RYR1: variants seen among roughly 807,000 people sequenced by gnomAD.
The protein encoded by RYR1 is ryanodine receptor 1.
Under a neutral mutation model 583.5 loss-of-function variants are expected in RYR1, and 342 were observed. The ratio of observed to expected loss-of-function variants is 0.59; its 90% CI spans 0.54 to 0.64. The LOEUF is 0.64. Among genes scored for constraint, RYR1 ranks in the 30% least tolerant of loss-of-function variants. The pLI is 0.00. For missense variants in RYR1, 6,032 were observed against 6,917.2 expected, an observed-to-expected ratio of 0.87 and a Z score of 4.54; for synonymous variants, 2,791 against 2,822.5, an observed-to-expected ratio of 0.99 and a Z score of 0.35.
Position 38,511,574 on chromosome 19 carries a change from C to G in RYR1, c.9136C>G (p.Leu3046Val). Residue 3046 changes from leucine (L) to valine (V), a missense_variant, in exon 61 of 106, where the codon CTT (leucine) becomes GTT (valine). This residue lies in a region of RYR1 where 1,493 missense variants were observed against 1,715.5 expected (regional missense o/e 0.87). Transcript: ENST00000359596. The stretch of plus-strand genomic sequence containing the variant: ...CTCTTTCTTCAGCCTCTTCTGCAAA[C>G]TTGCTGCTCTCGTCCGCCACCGAGT... ...KEMITSLFCK[L>V]AALVRHRVSL... The G allele has an allele frequency of 6.2e-7, 1 of 1,614,018 alleles. No individual in the cohort carries two copies. The highest frequency in any genetic ancestry group is 8.5e-7 in the Non-Finnish European group (1 of 1,180,040).
rs761665467 is a variant in RYR1 at position 38,459,150 on chromosome 19, C to T, written c.2172C>T (p.His724=). Residue 724 remains histidine (H), a synonymous_variant, in exon 19 of 106, where the codon CAC becomes CAT. Transcript: ENST00000359596. ...CATCTCTGGTGACTGATGCAGGACA[C>T]GTGGCACGCCCAGTGACTTCCCCAG... The part of the protein sequence containing the change: ...GFDGLHLWTG[H]VARPVTSPGQ... 18 of 1,613,114 alleles carry T rather than the reference C, an allele frequency of 1.1e-5. No homozygotes were observed. The highest frequency in any genetic ancestry group is 1.3e-5 in the Non-Finnish European group (15 of 1,179,942).
chr19:38,528,727 G>T, intron 75 of RYR1, 32 bp downstream of exon 75: 3 of 1,609,110 alleles, frequency 1.9e-6, no homozygotes, highest in South Asian at 2.2e-5. Context: ...GGAGTGGGGG[G>T]CGAGCTGGAT....
At chr19:38,467,473 C>A in intron 24 of RYR1, 137 bp from the exon 25 acceptor site, 1 of 955,204 alleles carries the variant, frequency 1.0e-6, no homozygotes, top group Non-Finnish European at 1.7e-6. Context: ...TCTCCTCTAA[C>A]TCCAAGAAAT....
At chr19:38,517,232 T>C (rs756552873) in intron 65 of RYR1, 127 bp from the exon 66 acceptor site, 1 of 961,308 alleles carries the variant, frequency 1.0e-6, no homozygotes, top group South Asian at 1.4e-5. Flanking sequence ...ATGGGAAGAA[T>C]AGGGTTTGGG....
In RYR1 at chr19:38,499,055, C is replaced by T; in HGVS notation, c.6892-53C>T. 1 of 1,607,790 alleles carries T rather than the reference C, an allele frequency of 6.2e-7. No homozygotes were observed. The highest frequency in any genetic ancestry group is 8.5e-7 in the Non-Finnish European group (1 of 1,176,478). On this transcript the variant is annotated intron_variant, in intron 42 of 105. Coordinates refer to ENST00000359596, the MANE Select transcript of RYR1 (RefSeq NM_000540.3). This position sits in a 1 kb window ranked among gnomAD's most constrained non-coding sequence, Gnocchi z 7.3. ...CAGGGCAGGGCAGAGGGCTGAGCCC[C>T]AGGAGGAAGGTGGCATGGGTCTGGT...
chr19:38,474,564 CTTTTTTTTT>C (rs970000046), intron 28 of RYR1, among the ~76,000 whole-genome samples: 10 of 88,224 alleles, frequency 1.1e-4, no homozygotes, highest in South Asian at 4.5e-4. Flanking sequence ...CGCCCGGCTC[CTTTTTTTTT>C]TTTTTTTTTT....
At position 38,467,626 on chromosome 19, in the gene RYR1, G is replaced by C. The variant is rs1441987462; in HGVS notation, c.3195G>C (p.Gln1065His). The change falls in exon 25 of 106, where the codon CAG becomes CAC. Residue 1065 changes from glutamine to histidine, a missense_variant. By Grantham distance (24) the Gln-to-His change is conservative (BLOSUM62 0). Around this residue, in one of 11 missense-constraint regions of RYR1, gnomAD observed 2,627 missense variants for 2,961.3 expected, o/e 0.89. Coordinates refer to ENST00000359596, the MANE Select transcript of RYR1 (RefSeq NM_000540.3). ...PDQEPSQVEN[Q>H]SRCDRVRIFR... ...CATTTATAGGTCAGGTGGAGAACCA[G>C]TCTCGTTGTGACCGGGTGCGCATCT... 6.2e-7 allele frequency: 1 copy of C among 1,614,098 alleles called. No individual in the cohort carries two copies. The highest frequency in any genetic ancestry group is 8.5e-7 in the Non-Finnish European group (1 of 1,180,050).
At position 38,444,033 on chromosome 19, in the gene RYR1, T is replaced by C; in HGVS notation, c.425-116T>C. The C allele has an allele frequency of 2.2e-6, 2 of 916,720 alleles. No homozygotes were observed. Among genetic ancestry groups the C allele is most frequent in the Non-Finnish European group, 1.8e-6 (1 of 559,520 alleles). The allele number at this position is 916,720 out of a possible 1,614,324, so 56.8% of individuals were successfully genotyped here. On this transcript the variant is annotated intron_variant, in intron 5 of 105. Transcript: ENST00000359596. This position sits in a 1 kb window ranked among gnomAD's most constrained non-coding sequence, Gnocchi z 5.1. ...CTGTTAGGCAGAGAGTTGGTGGCAG[T>C]GATAGGAGAGTTGTGGGCCAAGGGC...
chr19:38,461,412 C>T (rs1335199809), intron 20 of RYR1, among the ~76,000 whole-genome samples: 1 of 152,012 alleles, frequency 6.6e-6, no homozygotes, highest in East Asian at 1.9e-4. Context: ...TCTGTCAGAG[C>T]AGAATCGCAG....
rs111839670 is a variant in RYR1 at position 38,567,772 on chromosome 19, G to A, written c.13515-1G>A. ...TGACCTCTCTCTGTCCTGCCCTGCA[G>A]TGCCGAGAATGGGGAGAAGGAAGAA... On this transcript the variant is annotated splice_acceptor_variant, in intron 92 of 105. Transcript: ENST00000359596. LOFTEE classifies it high-confidence loss of function. 2 of 1,614,182 alleles carry A rather than the reference G, an allele frequency of 1.2e-6. No individual in the cohort carries two copies. The highest frequency in any genetic ancestry group is 8.5e-7 in the Non-Finnish European group (1 of 1,180,018).
intron 28 of RYR1, 74 bp downstream of exon 28, chr19:38,473,845 G>A (rs1375731063): frequency 4.4e-6 from 5 of 1,146,556 alleles, no homozygotes; most frequent in Admixed American, 5.7e-5. Flanking sequence ...ACAGTAACCT[G>A]AGAAACCCCC....
At position 38,587,343 on chromosome 19, in the gene RYR1, A is replaced by G; in HGVS notation, c.15040A>G (p.Met5014Val). The change falls in exon 106 of 106, where the codon ATG becomes GTG. Residue 5014 changes from methionine to valine, a missense_variant. Transcript: ENST00000359596. Reference protein sequence around the residue: ...HTGQESYVWKMYQERCWDFFP... With the variant: ...HTGQESYVWKVYQERCWDFFP... ...ATCCTAGGAGTCTTATGTCTGGAAGATGTACCAAGAGAGATGTTGGGATTT... is the reference window on the plus strand; with the variant it reads ...ATCCTAGGAGTCTTATGTCTGGAAGGTGTACCAAGAGAGATGTTGGGATTT... 3 of 1,613,946 alleles carry G rather than the reference A, an allele frequency of 1.9e-6. No homozygotes were observed. Among genetic ancestry groups the G allele is most frequent in the Non-Finnish European group, 2.5e-6 (3 of 1,179,846 alleles).
intron 39 of RYR1, among the ~76,000 whole-genome samples, chr19:38,495,248 T>G (rs1229266051): frequency 1.3e-5 from 2 of 152,168 alleles, no homozygotes; most frequent in African/African-American, 4.8e-5. Flanking sequence ...AGTGAGCTCA[T>G]GCGAATAATA....
chr19:38,444,692 C>T lies in RYR1; in HGVS notation c.631+15C>T, dbSNP rs1272951805. 2 of 1,584,596 alleles carry T rather than the reference C, an allele frequency of 1.3e-6. No individual in the cohort carries two copies. The highest frequency in any genetic ancestry group is 1.7e-6 in the Non-Finnish European group (2 of 1,163,886). On this transcript the variant is annotated intron_variant, in intron 7 of 105. Coordinates refer to ENST00000359596, the MANE Select transcript of RYR1 (RefSeq NM_000540.3). The surrounding 1 kb of genome is among the most constrained non-coding windows in gnomAD (Gnocchi z 5.1). ...CTGCGAAGAGGGTGAGGGCCCCAGA[C>T]CTCCCCCTAAATGGAGATCCCCCCA...
chr19:38,531,143 C>G (rs1452894470), intron 76 of RYR1, among the ~76,000 whole-genome samples: 2 of 151,950 alleles, frequency 1.3e-5, no homozygotes, highest in African/African-American at 4.8e-5. Context: ...CTTCTTTGGT[C>G]TCTTTATCTC....
rs536685006 is a variant in RYR1 at position 38,454,953 on chromosome 19, G to A, written c.1441-282G>A. ...AGGATGGAGAGAAAAGTGCAGGAAGGGGAAGTATAAACTCAGTCCTGGTGT... is the reference window on the plus strand; with the variant it reads ...AGGATGGAGAGAAAAGTGCAGGAAGAGGAAGTATAAACTCAGTCCTGGTGT... On this transcript the variant is annotated intron_variant, in intron 13 of 105. Transcript: ENST00000359596. Among the ~76,000 whole-genome samples, 4 of 152,128 alleles carry A rather than the reference G, an allele frequency of 2.6e-5. No individual in the cohort carries two copies. In the South Asian group the frequency reaches 8.3e-4, roughly 32 times the overall value.
rs753895315 is a variant in RYR1 at position 38,459,329 on chromosome 19, CT to C, written c.2352del (p.Gly785ValfsTer99). 1 of 1,614,108 alleles carries C rather than the reference CT, an allele frequency of 6.2e-7. No individual in the cohort carries two copies. The highest frequency in any genetic ancestry group is 1.7e-5 in the Admixed American group (1 of 60,016). On this transcript the variant is annotated frameshift_variant, in exon 19 of 106. Transcript: ENST00000359596. LOFTEE classifies it high-confidence loss of function. ...TTCTTCCCTGTTGTCAGCTTCTCGG[CT>C]GGTGTCAAGTGAGAACTTGCCCCCA... ...GLFFPVVSFSAGVKVRFLLGG... is the reference protein window; with the variant it reads ...GLFFPVVSFSXGVKVRFLLGG...
At chr19:38,452,672 G>A (rs1023314817) in intron 12 of RYR1, 147 bp from the exon 13 acceptor site, 5 of 746,650 alleles carry the variant, frequency 6.7e-6, no homozygotes, top group Non-Finnish European at 1.1e-5. Context: ...TGTGACCTCG[G>A]ACAAATGCTT....
rs775852501 is a variant in RYR1 at position 38,506,452 on chromosome 19, ACT to A, written c.8617-16_8617-15del. The A allele has an allele frequency of 6.2e-7, 1 of 1,613,882 alleles. No homozygotes were observed. Among genetic ancestry groups the A allele is most frequent in the South Asian group, 1.1e-5 (1 of 91,066 alleles). ...TGGCATCCTCTGAATCTAGCCCTTG[ACT>A]CTGCATCCACTCCCAGGCCATGGCA... On this transcript the variant is annotated splice_polypyrimidine_tract_variant and intron_variant, in intron 55 of 105. Transcript: ENST00000359596.
Sources: gnomAD v4.1 joint callset for allele counts (sites outside exome capture counted in the v4.1 genomes callset) on GRCh38, gnomAD v4.1.1 for gene constraint, gnomAD v4.1.1 regional missense constraint, Gnocchi (gnomAD v3.1) non-coding constraint, MANE v1.5 for transcripts, NCBI Gene and HGNC (gene_info 2026-07-23, HGNC 2026-07-21) for gene names.